The following DSC3 variants were observed in gnomAD, a reference collection of about 807,000 sequenced individuals.
DSC3 encodes desmocollin 3, also known as desmocollin-3.
In DSC3, 97 loss-of-function variants were observed where a neutral mutation model predicts 89.5. That is an observed-to-expected ratio of 1.08 (90% CI 0.92 to 1.28). The LOEUF is 1.28. DSC3 is among the 50% of genes most tolerant of loss of function. The probability of loss-of-function intolerance (pLI) is 0.00; values close to 1 mark genes in which losing one functional copy is unlikely to be tolerated. For synonymous variants in DSC3, 436 were observed against 384.1 expected (o/e 1.14, Z -1.58); for missense variants, 1,199 against 1,085.3 (o/e 1.10, Z -1.47).
chr18:30,995,971 T>TAAAAAAAAAAAAAAAAAAAAAAA (rs1196444633), intron 15 of DSC3, among the ~76,000 whole-genome samples: 66 of 37,020 alleles, frequency 1.8e-3, no homozygotes, highest in East Asian at 4.6e-3. Flanking sequence ...GACCCTGCCT[T>TAAAAAAAAAAAAAAAAAAAAAAA]AAAAAAAAAA....
intron 7 of DSC3, 96 bp from the exon 8 acceptor site, chr18:31,018,896 A>C: frequency 8.8e-7 from 1 of 1,139,048 alleles, no homozygotes; most frequent in Non-Finnish European, 1.3e-6. Context: ...ACATACACAC[A>C]CATCTGTGTG....
At chr18:31,003,223 A>G (rs1024175266) in intron 13 of DSC3, among the ~76,000 whole-genome samples, 4 of 152,156 alleles carry the variant, frequency 2.6e-5, no homozygotes, top group Non-Finnish European at 5.9e-5. Context: ...AACACACTCC[A>G]CAGCACTACA....
At position 30,996,921 on chromosome 18, in the gene DSC3, G is replaced by A. The variant is rs1984492812; in HGVS notation, c.2363C>T (p.Thr788Ile). The change falls in exon 15 of 16, where the codon ACC becomes ATC. Residue 788 changes from threonine to isoleucine, a missense_variant. Physicochemically the swap from Thr to Ile is moderately conservative, Grantham distance 89 (BLOSUM62 -1). Coordinates refer to ENST00000360428, the MANE Select transcript of DSC3 (RefSeq NM_001941.5). ...TIEMMKGGNQ[T>I]LESCRGAGHH... is the part of the protein sequence containing the mutation. ...CCCAGCCCCCCGGCAGGATTCCAAGGTCTGGTTTCCTCCTTTCATCATTTC... is the reference window on the plus strand; with the variant it reads ...CCCAGCCCCCCGGCAGGATTCCAAGATCTGGTTTCCTCCTTTCATCATTTC... 3 of 1,613,868 alleles carry A rather than the reference G, an allele frequency of 1.9e-6. No homozygotes were observed. Among genetic ancestry groups the A allele is most frequent in the Admixed American group, 1.7e-5 (1 of 59,978 alleles).
rs1388415718 is a variant in DSC3, at chr18:30,991,789, T to A, written c.*2386A>T. ...CCCTGGCTTCTCGACTGTCTTTTGG[T>A]TGAGTATTTCAAGATTGATCCAATT... On this transcript the variant is annotated 3_prime_UTR_variant, in exon 16 of 16. Coordinates refer to ENST00000360428, the MANE Select transcript of DSC3 (RefSeq NM_001941.5). 6.6e-6 allele frequency: 1 copy of A among 152,190 alleles called. No homozygotes were observed. The highest frequency in any genetic ancestry group is 2.4e-5 in the African/African-American group (1 of 41,454). 9.4% of individuals were successfully genotyped at this position (152,190 alleles called of 1,614,324 possible).
intron 1 of DSC3, among the ~76,000 whole-genome samples, chr18:31,041,582 C>G (rs1986133194): frequency 6.6e-6 from 1 of 152,192 alleles, no homozygotes; most frequent in African/African-American, 2.4e-5. Flanking sequence ...CCATCGGACC[C>G]CATGCGCATC....
Position 30,992,145 on chromosome 18 carries a change from G to A in DSC3, c.*2030C>T, listed in dbSNP as rs1186682370. 1 of 120,422 alleles carries A rather than the reference G, an allele frequency of 8.3e-6. No individual in the cohort carries two copies. The highest frequency in any genetic ancestry group is 1.7e-5 in the Non-Finnish European group (1 of 60,490). The allele number at this position is 120,422 out of a possible 1,614,324, so 7.5% of individuals were successfully genotyped here. On this transcript the variant is annotated 3_prime_UTR_variant, in exon 16 of 16. Transcript: ENST00000360428. ...GGAGCCACTGCACTCCAGCCTGTGC[G>A]TCAGAGCGAGACTCCGTCTCAAAAA...
Position 31,025,916 on chromosome 18 carries a change from C to A in DSC3, c.475-1G>T. On this transcript the variant is annotated splice_acceptor_variant, in intron 4 of 15. Coordinates refer to ENST00000360428, the MANE Select transcript of DSC3 (RefSeq NM_001941.5). LOFTEE classifies it high-confidence loss of function. ...AGTTCTGTGCTGCATCAGATTCAAC[C>A]TAAAAGTAGAAAAAAAATATGCAAA... 2 of 1,609,824 alleles carry A rather than the reference C, an allele frequency of 1.2e-6. No individual in the cohort carries two copies. The highest frequency in any genetic ancestry group is 1.7e-6 in the Non-Finnish European group (2 of 1,178,344).
At position 31,004,222 on chromosome 18, in the gene DSC3, C is replaced by T. The variant is rs372346117; in HGVS notation, c.2033G>A (p.Arg678His). Residue 678 changes from arginine to histidine, a missense_variant, in exon 13 of 16, where the codon CGT (arginine) becomes CAT (histidine). Transcript: ENST00000360428. The part of the protein sequence containing the change: ...LCECTHPTQC[R>H]ATSRSTGVIL... ...TACTCCTGTACTCCTTGAAGTCGCA[C>T]GACACTGAGTTGGATGAGTACATTC... 2.5e-5 allele frequency: 41 copies of T among 1,613,806 alleles called. No individual in the cohort carries two copies. Among genetic ancestry groups the T allele is most frequent in the Admixed American group, 1.5e-4 (9 of 59,972 alleles).
At position 31,008,316 on chromosome 18, in the gene DSC3, G is replaced by A. The variant is rs138254140; in HGVS notation, c.1473C>T (p.Asn491=). 8.2e-5 allele frequency: 133 copies of A among 1,613,830 alleles called. No homozygotes were observed. Among genetic ancestry groups the A allele is most frequent in the African/African-American group, 1.7e-4 (13 of 74,860 alleles). ...KENLAVGSKI[N]GYKAYDPENR... ...TTTCGGGGTCATATGCCTTATAGCC[G>A]TTGATCTTTGACCCCACTGCTAAGT... Residue 491 remains asparagine (N), a synonymous_variant, in exon 10 of 16, where the codon AAC becomes AAT. Coordinates refer to ENST00000360428, the MANE Select transcript of DSC3 (RefSeq NM_001941.5).
At position 30,990,372 on chromosome 18, in the gene DSC3, C is replaced by T. The variant is rs1362409511; in HGVS notation, c.*3803G>A. ...TCAACCAAATCAATACTGAAGGACA[C>T]GTGAAATGTATCCGGTATTTTACTA... On this transcript the variant is annotated 3_prime_UTR_variant, in exon 16 of 16. Transcript: ENST00000360428. 6 of 152,112 alleles carry T rather than the reference C, an allele frequency of 3.9e-5. No homozygotes were observed. The highest frequency in any genetic ancestry group is 2.1e-4 in the South Asian group (1 of 4,828). The allele number at this position is 152,112 out of a possible 1,614,324, so 9.4% of individuals were successfully genotyped here.
chr18:31,030,814 A>G (rs1985760247), intron 3 of DSC3, among the ~76,000 whole-genome samples, 159 bp downstream of exon 3: 1 of 151,998 alleles, frequency 6.6e-6, no homozygotes, highest in Admixed American at 6.6e-5. Context: ...AATGGAGGGG[A>G]AGGAAAAGGG....
Position 31,004,123 on chromosome 18 carries a change from A to G in DSC3, c.2113+19T>C. On this transcript the variant is annotated intron_variant, in intron 13 of 15. Coordinates refer to ENST00000360428, the MANE Select transcript of DSC3 (RefSeq NM_001941.5). ...TTTTTTATTATATATTTTAACTTCA[A>G]GAAAGTGAAAATACTTACAAAAGAG... The G allele has an allele frequency of 1.3e-6, 2 of 1,565,506 alleles. No homozygotes were observed. The highest frequency in any genetic ancestry group is 1.8e-6 in the Non-Finnish European group (2 of 1,137,112).
intron 1 of DSC3, among the ~76,000 whole-genome samples, chr18:31,038,335 A>AGT (rs1986034545): frequency 6.6e-6 from 1 of 152,196 alleles, no homozygotes; most frequent in African/African-American, 2.4e-5. Flanking sequence ...GATCTAAAGA[A>AGT]GTGTGTGTGG....
chr18:30,999,365 T>C (rs758658975), intron 14 of DSC3, among the ~76,000 whole-genome samples: 4 of 152,040 alleles, frequency 2.6e-5, no homozygotes, highest in Non-Finnish European at 5.9e-5. Flanking sequence ...AAAAAAAGAA[T>C]TGAAAAGTAG....
intron 12 of DSC3, among the ~76,000 whole-genome samples, chr18:31,005,679 C>T (rs1984813875): frequency 6.6e-6 from 1 of 152,142 alleles, no homozygotes; most frequent in Non-Finnish European, 1.5e-5. Flanking sequence ...TTAGTATCTA[C>T]TAAGCATTAG....
chr18:31,010,656 A>T (rs923675118), intron 9 of DSC3, among the ~76,000 whole-genome samples: 1 of 152,212 alleles, frequency 6.6e-6, no homozygotes, highest in Non-Finnish European at 1.5e-5. Context: ...AATATCCCAC[A>T]TCTGCACTGA....
Position 31,018,223 on chromosome 18 carries a change from C to T in DSC3, c.1111G>A (p.Val371Met). 6.2e-7 allele frequency: 1 copy of T among 1,611,646 alleles called. No individual in the cohort carries two copies. The highest frequency in any genetic ancestry group is 1.1e-5 in the South Asian group (1 of 90,756). ...TCTATAGGTATTCGTAAGATTTCCA[C>T]ATTGAATGCATTTTCCTCTACAAAT... ...EAFVEENAFN[V>M]EILRIPIEDK... The change falls in exon 9 of 16, where the codon GTG becomes ATG. Residue 371 changes from valine to methionine, a missense_variant. Coordinates refer to ENST00000360428, the MANE Select transcript of DSC3 (RefSeq NM_001941.5).
chr18:31,037,672 C>T (rs1986014167), intron 1 of DSC3, among the ~76,000 whole-genome samples: 1 of 152,154 alleles, frequency 6.6e-6, no homozygotes. Context: ...GAGGCCGAGG[C>T]AGGCGGATCA....
At position 31,031,092 on chromosome 18, in the gene DSC3, C is replaced by A; in HGVS notation, c.235G>T (p.Val79Leu). 1 of 1,614,028 alleles carries A rather than the reference C, an allele frequency of 6.2e-7. No homozygotes were observed. The highest frequency in any genetic ancestry group is 8.5e-7 in the Non-Finnish European group (1 of 1,179,968). The change falls in exon 3 of 16, where the codon GTG becomes TTG. Residue 79 changes from valine (V) to leucine (L), a missense_variant. Physicochemically the swap from Val to Leu is conservative, Grantham distance 32. Transcript: ENST00000360428. ...PDFRVLNDGSVYTARAVALSD... is the reference protein window; with the variant it reads ...PDFRVLNDGSLYTARAVALSD... ...AGCGCAACAGCCCTGGCTGTGTACACTGACCCATCATTTAGAACTCTGAAA... is the reference window on the plus strand; with the variant it reads ...AGCGCAACAGCCCTGGCTGTGTACAATGACCCATCATTTAGAACTCTGAAA...
Sources: allele counts gnomAD v4.1 joint callset (sites outside exome capture counted in the v4.1 genomes callset), GRCh38; gene constraint gnomAD v4.1.1; transcripts MANE v1.5; gene names NCBI Gene and HGNC (gene_info 2026-07-23, HGNC 2026-07-21).